Variants in PCDHGA8 observed in about 807,000 individuals in gnomAD.
PCDHGA8 encodes protocadherin gamma subfamily A, 8.
In PCDHGA8, 45 loss-of-function variants were observed where a neutral mutation model predicts 59.2. That is an observed-to-expected ratio of 0.76 (90% confidence interval 0.60 to 0.98). PCDHGA8 has a LOEUF of 0.98. PCDHGA8 is among the 50% of genes least tolerant of loss of function. PCDHGA8 has a pLI of 0.00. For missense variants in PCDHGA8, 1,257 were observed against 1,196.2 expected (o/e 1.05, Z -0.75); for synonymous variants, 531 against 519.0 (o/e 1.02, Z -0.32).
chr5:141,403,595 T>G (rs2094430008), intron 1 of PCDHGA8: 1 of 1,613,824 alleles, frequency 6.2e-7, no homozygotes, highest in East Asian at 2.2e-5. Flanking sequence ...CCTCACGGCC[T>G]CGGATGGCGG....
At chr5:141,395,506 G>A in intron 1 of PCDHGA8, 1 of 433,794 alleles carries the variant, frequency 2.3e-6, no homozygotes, top group East Asian at 4.4e-5. Flanking sequence ...CACTTAAGAA[G>A]TAGCTACCCG....
Position 141,399,994 on chromosome 5 carries a change from C to T in PCDHGA8, c.2424+4757C>T, listed in dbSNP as rs538358679. 27 of 1,612,262 alleles carry T rather than the reference C, an allele frequency of 1.7e-5. No individual in the cohort carries two copies. The East Asian group carries it at 1.8e-4, about 11-fold the overall frequency. On this transcript the variant is annotated intron_variant, in intron 1 of 3. Coordinates refer to ENST00000398604, the MANE Select transcript of PCDHGA8 (RefSeq NM_032088.2). ...CCTGGGGCTGCGCACAGGAGAGGTG[C>T]GCACAGCGCGTGCCTTGGGCGACAG...
chr5:141,401,613 G>A (rs906957282), intron 1 of PCDHGA8, among the ~76,000 whole-genome samples: 1 of 152,162 alleles, frequency 6.6e-6, no homozygotes, highest in Admixed American at 6.5e-5. Flanking sequence ...AAAAGACACC[G>A]GATTTGTCTT....
At chr5:141,478,498 G>A in intron 1 of PCDHGA8, 8 of 1,612,712 alleles carry the variant, frequency 5.0e-6, no homozygotes, top group South Asian at 1.1e-5. Context: ...GCTGTGATCC[G>A]GTGTTCTATA....
At chr5:141,455,186 C>T (rs1436215310) in intron 1 of PCDHGA8, among the ~76,000 whole-genome samples, 3 of 151,542 alleles carry the variant, frequency 2.0e-5, no homozygotes, top group Non-Finnish European at 2.9e-5. Context: ...TTTTATTTCT[C>T]TACAAATTTA....
At chr5:141,410,458 T>A in intron 1 of PCDHGA8, 1 of 1,614,040 alleles carries the variant, frequency 6.2e-7, no homozygotes, top group African/African-American at 1.3e-5. Flanking sequence ...CTTATTCTTA[T>A]AATCTGTGCA....
At position 141,494,885 on chromosome 5, in the gene PCDHGA8, G is replaced by T; in HGVS notation, c.2483+20G>T. The T allele has an allele frequency of 6.8e-6, 11 of 1,614,082 alleles. No homozygotes were observed. The highest frequency in any genetic ancestry group is 8.5e-6 in the Non-Finnish European group (10 of 1,179,992). Reference sequence around the variant, plus strand: ...CAGCGGGTAGGTGACTGATTCTCCAGCCCACCCTCTTCTCTGCGGCATTTT... The same window carrying T: ...CAGCGGGTAGGTGACTGATTCTCCATCCCACCCTCTTCTCTGCGGCATTTT... On this transcript the variant is annotated intron_variant, in intron 2 of 3. Transcript: ENST00000398604.
At chr5:141,415,560 GT>G in intron 1 of PCDHGA8, 1 of 1,613,936 alleles carries the variant, frequency 6.2e-7, no homozygotes, top group Non-Finnish European at 8.5e-7. Flanking sequence ...ACGATCCTTT[GT>G]CTTTGTTAGA....
At chr5:141,447,238 C>G (rs1028683423) in intron 1 of PCDHGA8, among the ~76,000 whole-genome samples, 2 of 152,148 alleles carry the variant, frequency 1.3e-5, no homozygotes, top group Non-Finnish European at 2.9e-5. Context: ...CTCCCGGGTT[C>G]AAGTGATTCT....
Position 141,405,152 on chromosome 5 carries a change from G to T in PCDHGA8, c.2424+9915G>T, listed in dbSNP as rs550773622. Reference sequence around the variant, plus strand: ...GCGGGCTACCAGTGATGGGTTGGCTGGTGTGCCCACCTCACACTTTGTGGG... The same window carrying T: ...GCGGGCTACCAGTGATGGGTTGGCTTGTGTGCCCACCTCACACTTTGTGGG... On this transcript the variant is annotated intron_variant, in intron 1 of 3. Transcript: ENST00000398604. 180 of 1,613,896 alleles carry T rather than the reference G, an allele frequency of 1.1e-4. 1 individual carries two copies. In the South Asian group the frequency reaches 1.9e-3, roughly 17 times the overall value.
intron 1 of PCDHGA8, chr5:141,408,120 C>T (rs1375123891): frequency 3.4e-6 from 5 of 1,475,704 alleles, no homozygotes. Flanking sequence ...TCCTCCTGTC[C>T]TGGGCCGAAT....
chr5:141,442,343 G>A (rs1300318674), intron 1 of PCDHGA8: 1 of 152,336 alleles, frequency 6.6e-6, no homozygotes, highest in African/African-American at 2.4e-5. Context: ...CAGGTTTCTG[G>A]GTAACTGTAG....
chr5:141,415,048 G>C lies in PCDHGA8; in HGVS notation c.2424+19811G>C, dbSNP rs535976406. The C allele has an allele frequency of 5.0e-5, 80 of 1,613,320 alleles. 1 individual carries two copies. The Admixed American group carries it at 6.0e-4, about 12-fold the overall frequency. ...CGAGCCGGGACTCTTCGCGGTGGGG[G>C]AGCACACGGGCGAGGTGCGCACGGC... is the stretch of plus-strand genomic sequence containing the variant. On this transcript the variant is annotated intron_variant, in intron 1 of 3. Transcript: ENST00000398604.
chr5:141,463,644 G>C (rs1356692609), intron 1 of PCDHGA8, among the ~76,000 whole-genome samples: 1 of 151,596 alleles, frequency 6.6e-6, no homozygotes, highest in Non-Finnish European at 1.5e-5. Context: ...GTAGAGACGG[G>C]GTTTCACCGT....
At chr5:141,451,640 G>A (rs2098720679) in intron 1 of PCDHGA8, among the ~76,000 whole-genome samples, 1 of 152,166 alleles carries the variant, frequency 6.6e-6, no homozygotes, top group South Asian at 2.1e-4. Context: ...CCAGCACTCT[G>A]AGAGGCCAAG....
At chr5:141,410,903 G>C (rs191165984) in intron 1 of PCDHGA8, 2 of 276,978 alleles carry the variant, frequency 7.2e-6, no homozygotes, top group South Asian at 4.9e-5. Context: ...GCCTAGGCTG[G>C]AGTGCAGTGG....
At chr5:141,459,287 G>A (rs1362981410) in intron 1 of PCDHGA8, among the ~76,000 whole-genome samples, 1 of 152,136 alleles carries the variant, frequency 6.6e-6, no homozygotes, top group African/African-American at 2.4e-5. Context: ...TCATCTAAAT[G>A]GAATCCTATA....
chr5:141,501,945 T>C (rs1318749969), intron 2 of PCDHGA8, among the ~76,000 whole-genome samples: 1 of 152,106 alleles, frequency 6.6e-6, no homozygotes, highest in Non-Finnish European at 1.5e-5. Context: ...CACTGCTCCC[T>C]GTGACAGGTC....
chr5:141,491,845 G>A lies in PCDHGA8; in HGVS notation c.2425-2962G>A. 6.8e-7 allele frequency: 1 copy of A among 1,463,944 alleles called. No homozygotes were observed. The highest frequency in any genetic ancestry group is 9.0e-7 in the Non-Finnish European group (1 of 1,106,126). 90.7% of individuals were successfully genotyped at this position (1,463,944 alleles called of 1,614,324 possible). ...CTCCACCCGATTCTCGGGATCATTGGACCGTTTGCGCGAAACCAGAGTGGC... is the reference window on the plus strand; with the variant it reads ...CTCCACCCGATTCTCGGGATCATTGAACCGTTTGCGCGAAACCAGAGTGGC... On this transcript the variant is annotated intron_variant, in intron 1 of 3. Coordinates refer to ENST00000398604, the MANE Select transcript of PCDHGA8 (RefSeq NM_032088.2). This position sits in a 1 kb window ranked among gnomAD's most constrained non-coding sequence, Gnocchi z 6.9.
Sources: gnomAD v4.1 joint callset for allele counts (sites outside exome capture counted in the v4.1 genomes callset) on GRCh38, gnomAD v4.1.1 for gene constraint, Gnocchi (gnomAD v3.1) non-coding constraint, MANE v1.5 for transcripts, NCBI Gene and HGNC (gene_info 2026-07-23, HGNC 2026-07-21) for gene names.